The following PCDHGA10 variants were observed in gnomAD, a reference collection of about 807,000 sequenced individuals.
PCDHGA10 encodes protocadherin gamma-A10.
PCDHGA10 carries 42 observed loss-of-function variants against 59.5 expected under a neutral mutation model. The observed-to-expected ratio is 0.71, with a 90% confidence interval of 0.55 to 0.91. PCDHGA10 has a LOEUF of 0.91. Ranked by LOEUF, PCDHGA10 falls within the 40% of genes least tolerant of loss-of-function variation. The pLI, the probability that PCDHGA10 is intolerant of heterozygous loss-of-function variation, is 0.00. For synonymous variants in PCDHGA10, 511 were observed against 517.2 expected, an observed-to-expected ratio of 0.99 and a Z score of 0.16; for missense variants, 1,111 against 1,198.2, an observed-to-expected ratio of 0.93 and a Z score of 1.07.
chr5:141,419,694 G>T, intron 1 of PCDHGA10: 2 of 1,612,974 alleles, frequency 1.2e-6, no homozygotes, highest in South Asian at 1.1e-5. Context: ...GTGCAGGCCA[G>T]TGAGCCCGGG....
chr5:141,427,887 C>G, intron 1 of PCDHGA10: 1 of 1,565,908 alleles, frequency 6.4e-7, no homozygotes, highest in South Asian at 1.1e-5. Flanking sequence ...GGCCCACGAC[C>G]AGGGCTCGCC....
rs779871354 is a variant in PCDHGA10 at position 141,428,131 on chromosome 5, G to A, written c.2436+12520G>A. 8.7e-6 allele frequency: 14 copies of A among 1,602,720 alleles called. No homozygotes were observed. The South Asian group carries it at 1.5e-4, about 18-fold the overall frequency. On this transcript the variant is annotated intron_variant, in intron 1 of 3. Transcript: ENST00000398610. ...CAGGCCATCGAGCCCGGGCTTTTCA[G>A]CCTGGGGCTGCACACGGGAACCTGC...
rs61612330 is a variant in PCDHGA10, at chr5:141,454,796, A to ATTTTTTTTTTTT, written c.2436+39203_2436+39214dup. Among the ~76,000 whole-genome samples, 573 of 77,460 alleles carry ATTTTTTTTTTTT rather than the reference A, an allele frequency of 7.4e-3. 68 individuals carry two copies. Among genetic ancestry groups the ATTTTTTTTTTTT allele is most frequent in the Non-Finnish European group, 9.0e-3 (384 of 42,814 alleles). The allele number at this position is 77,460 out of a possible 152,430, so 50.8% of individuals were successfully genotyped here. A position where few individuals can be genotyped will look rare whatever the true frequency, so the allele number is the denominator to read the frequency against. On this transcript the variant is annotated intron_variant, in intron 1 of 3. Coordinates refer to ENST00000398610, the MANE Select transcript of PCDHGA10 (RefSeq NM_018913.3). ...AAGGAAATAATCCTCCATGGTTCTA[A>ATTTTTTTTTTTT]TTTTTTTTTTTTTTTTTTTTTTTTT...
chr5:141,427,126 C>T (rs1216633922), intron 1 of PCDHGA10: 1 of 457,282 alleles, frequency 2.2e-6, no homozygotes, highest in Non-Finnish European at 4.4e-6. Context: ...TCTTTCAAAT[C>T]CCTACGAGAT....
At chr5:141,422,463 C>T in intron 1 of PCDHGA10, 1 of 1,613,472 alleles carries the variant, frequency 6.2e-7, no homozygotes, top group African/African-American at 1.3e-5. Context: ...GAGTGCTGGA[C>T]AGGGAGTTGG....
rs1554116817 is a variant in PCDHGA10 at position 141,423,755 on chromosome 5, G to GGC, written c.2436+8145_2436+8146insCG. 3 of 512,420 alleles carry GGC rather than the reference G, an allele frequency of 5.9e-6. No individual in the cohort carries two copies. The African/African-American group carries it at 8.1e-5, about 14-fold the overall frequency. 31.7% of individuals were successfully genotyped at this position (512,420 alleles called of 1,614,324 possible). A position where few individuals can be genotyped will look rare whatever the true frequency, so the allele number is the denominator to read the frequency against. On this transcript the variant is annotated intron_variant, in intron 1 of 3. Coordinates refer to ENST00000398610, the MANE Select transcript of PCDHGA10 (RefSeq NM_018913.3). ...AGCCTGTTATGAAAACTGTTTGGGGGGGGGGTGGGGCGGCATATATTTAGT... is the reference window on the plus strand; with the variant it reads ...AGCCTGTTATGAAAACTGTTTGGGGGGCGGGGGTGGGGCGGCATATATTTAGT...
intron 1 of PCDHGA10, among the ~76,000 whole-genome samples, chr5:141,433,995 CT>C (rs2097669147): frequency 2.6e-5 from 4 of 152,028 alleles, no homozygotes; most frequent in Admixed American, 2.0e-4. Flanking sequence ...GTTTTATATT[CT>C]CTATATATGT....
In PCDHGA10 at chr5:141,421,902, C is replaced by T. The variant is rs1218675162; in HGVS notation, c.2436+6291C>T. 4 of 1,613,706 alleles carry T rather than the reference C, an allele frequency of 2.5e-6. No homozygotes were observed. The South Asian group carries it at 3.3e-5, about 13-fold the overall frequency. On this transcript the variant is annotated intron_variant, in intron 1 of 3. Coordinates refer to ENST00000398610, the MANE Select transcript of PCDHGA10 (RefSeq NM_018913.3). Reference sequence around the variant, plus strand: ...ATGGAGGCGATCCCATCCGAAAGGGCGCAGTTCCCATTCGTGTGGTGGTCC... The same window carrying T: ...ATGGAGGCGATCCCATCCGAAAGGGTGCAGTTCCCATTCGTGTGGTGGTCC...
chr5:141,418,990 G>A (rs1029969170), intron 1 of PCDHGA10: 1 of 1,613,784 alleles, frequency 6.2e-7, no homozygotes, highest in African/African-American at 1.3e-5. Flanking sequence ...AAGACTCAGG[G>A]GAAAATGGGG....
intron 1 of PCDHGA10, among the ~76,000 whole-genome samples, chr5:141,436,809 A>T (rs2097847373): frequency 6.6e-6 from 1 of 152,242 alleles, no homozygotes; most frequent in Non-Finnish European, 1.5e-5. Context: ...TTTTTGTGAC[A>T]GCTGGTTTAA....
At chr5:141,429,559 A>G (rs2097222911) in intron 1 of PCDHGA10, among the ~76,000 whole-genome samples, 2 of 152,146 alleles carry the variant, frequency 1.3e-5, no homozygotes, top group Admixed American at 6.5e-5. Context: ...TGATTTGATA[A>G]TATTCAGTTA....
At position 141,491,101 on chromosome 5, in the gene PCDHGA10, G is replaced by A. The variant is rs1270788252; in HGVS notation, c.2437-3706G>A. Reference sequence around the variant, plus strand: ...GTCCACAGCCCCAGGACTGTTCCTCGTGTCTACACACACTGGTGAGGTGCG... The same window carrying A: ...GTCCACAGCCCCAGGACTGTTCCTCATGTCTACACACACTGGTGAGGTGCG... On this transcript the variant is annotated intron_variant, in intron 1 of 3. Transcript: ENST00000398610. This position sits in a 1 kb window ranked among gnomAD's most constrained non-coding sequence, Gnocchi z 6.9. The A allele has an allele frequency of 8.1e-6, 13 of 1,614,102 alleles. No individual in the cohort carries two copies. In the East Asian group the frequency reaches 1.6e-4, roughly 19 times the overall value.
chr5:141,511,049 G>A lies in PCDHGA10; in HGVS notation c.2687G>A (p.Arg896His), dbSNP rs61749029. 408 of 1,614,098 alleles carry A rather than the reference G, an allele frequency of 2.5e-4. No individual in the cohort carries two copies. Among genetic ancestry groups the A allele is most frequent in the South Asian group, 7.2e-4 (66 of 91,094 alleles). Residue 896 changes from arginine (R) to histidine (H), a missense_variant, in exon 4 of 4, where the codon CGC becomes CAC. Transcript: ENST00000398610. ...QFTLQHVPDY[R>H]QNVYIPGSNA... ...ACCCTGCAGCACGTGCCCGACTACC[G>A]CCAGAATGTCTACATCCCAGGCAGC...
chr5:141,427,751 C>T (rs778043340), intron 1 of PCDHGA10: 1 of 1,306,072 alleles, frequency 7.7e-7, no homozygotes, highest in South Asian at 1.2e-5. Flanking sequence ...CCTACTCCAT[C>T]GTTACCACTG....
intron 1 of PCDHGA10, chr5:141,419,533 C>A: frequency 6.2e-7 from 1 of 1,612,106 alleles, no homozygotes; most frequent in Non-Finnish European, 8.5e-7. Flanking sequence ...GTAACGACAA[C>A]GCACCGCGGG....
chr5:141,490,808 A>C lies in PCDHGA10; in HGVS notation c.2437-3999A>C. On this transcript the variant is annotated intron_variant, in intron 1 of 3. Coordinates refer to ENST00000398610, the MANE Select transcript of PCDHGA10 (RefSeq NM_018913.3). The surrounding 1 kb of genome is among the most constrained non-coding windows in gnomAD (Gnocchi z 5.4). The stretch of plus-strand genomic sequence containing the variant: ...CGGATCTTTGCCCAGCGTACCTTTG[A>C]CTATGAATTGCTGCAGATGCTGCAG... 1 of 1,613,884 alleles carries C rather than the reference A, an allele frequency of 6.2e-7. No homozygotes were observed. The highest frequency in any genetic ancestry group is 8.5e-7 in the Non-Finnish European group (1 of 1,179,874).
At position 141,414,009 on chromosome 5, in the gene PCDHGA10, T is replaced by C; in HGVS notation, c.834T>C (p.Asn278=). The C allele has an allele frequency of 6.2e-7, 1 of 1,612,964 alleles. No individual in the cohort carries two copies. The highest frequency in any genetic ancestry group is 1.7e-4 in the Middle Eastern group (1 of 6,060). ...CCACCGACAGGGACGAAGGTGCCAA[T>C]GGAGAAGTGACATATTCATTCCGAA... is the stretch of plus-strand genomic sequence containing the variant. The part of the protein sequence containing the change: ...VTATDRDEGA[N]GEVTYSFRKL... The change falls in exon 1 of 4, where the codon AAT becomes AAC. Residue 278 remains asparagine (N), a synonymous_variant. Transcript: ENST00000398610.
At position 141,413,874 on chromosome 5, in the gene PCDHGA10, T is replaced by G. The variant is rs1371905896; in HGVS notation, c.699T>G (p.Ser233Arg). ...DPLRSGTVLV[S>R]VTVFDANDNA... ...TCCGATCTGGCACTGTCCTTGTCAG[T>G]GTGACTGTCTTCGATGCAAATGACA... is the stretch of plus-strand genomic sequence containing the variant. The change falls in exon 1 of 4, where the codon AGT becomes AGG. Residue 233 changes from serine (S) to arginine (R), a missense_variant. By Grantham distance (110) the Ser-to-Arg change is moderately radical. Coordinates refer to ENST00000398610, the MANE Select transcript of PCDHGA10 (RefSeq NM_018913.3). 6 of 1,613,306 alleles carry G rather than the reference T, an allele frequency of 3.7e-6. No homozygotes were observed. In the African/African-American group the frequency reaches 8.0e-5, roughly 22 times the overall value.
intron 1 of PCDHGA10, chr5:141,422,637 C>T (rs980166515): frequency 8.7e-5 from 141 of 1,612,568 alleles, no homozygotes; most frequent in Non-Finnish European, 1.2e-4. Flanking sequence ...CCAGGGGTGC[C>T]TCCATCTTCT....
Sources: gnomAD v4.1 joint callset for allele counts (sites outside exome capture counted in the v4.1 genomes callset) on GRCh38, gnomAD v4.1.1 for gene constraint, Gnocchi (gnomAD v3.1) non-coding constraint, MANE v1.5 for transcripts, NCBI Gene and HGNC (gene_info 2026-07-23, HGNC 2026-07-21) for gene names.